The following FYB1 variants were observed in gnomAD, a reference collection of about 807,000 sequenced individuals.
FYB1 encodes FYN-binding protein 1.
FYB1 carries 41 observed loss-of-function variants against 94.1 expected under a neutral mutation model. That is an observed-to-expected ratio of 0.44 (90% CI 0.34 to 0.57). The LOEUF (loss-of-function observed/expected upper bound fraction) is 0.57. Among genes scored for constraint, FYB1 ranks in the 20% least tolerant of loss-of-function variants. FYB1 has a pLI of 0.02. For synonymous variants in FYB1, 367 were observed against 353.2 expected (o/e 1.04, Z -0.44); for missense variants, 1,050 against 976.8 (o/e 1.07, Z -1.00).
chr5:39,170,117 T>C (rs1688761434), intron 2 of FYB1: 2 of 815,028 alleles, frequency 2.5e-6, no homozygotes, highest in African/African-American at 3.4e-5. Flanking sequence ...TGATTTCAAA[T>C]GTTATCAGTT....
chr5:39,254,044 G>A (rs907242891), intron 1 of FYB1, among the ~76,000 whole-genome samples: 3 of 152,056 alleles, frequency 2.0e-5, no homozygotes, highest in East Asian at 1.9e-4. Flanking sequence ...TTATGGCTCC[G>A]TAGTAGTTCT....
At chr5:39,109,870 C>T (rs143399991) in intron 17 of FYB1, among the ~76,000 whole-genome samples, 22 of 152,086 alleles carry the variant, frequency 1.4e-4, no homozygotes, top group African/African-American at 4.8e-4. Context: ...GGCATGCTTC[C>T]ATAAAAGGCA....
intron 16 of FYB1, 33 bp downstream of exon 16, chr5:39,118,841 T>G: frequency 7.6e-7 from 1 of 1,321,472 alleles, no homozygotes; most frequent in South Asian, 2.0e-5. Flanking sequence ...GTGACATATA[T>G]ATGCACATAT....
chr5:39,218,545 A>G (rs2150547992), intron 1 of FYB1, among the ~76,000 whole-genome samples: 1 of 152,320 alleles, frequency 6.6e-6, no homozygotes. Flanking sequence ...AAAATGGTGA[A>G]TATTAATTAT....
chr5:39,206,708 A>G (rs1423478755), intron 1 of FYB1, among the ~76,000 whole-genome samples: 1 of 152,192 alleles, frequency 6.6e-6, no homozygotes, highest in African/African-American at 2.4e-5. Context: ...TTCCTCAAAT[A>G]ATAAACTACA....
At position 39,209,858 on chromosome 5, in the gene FYB1, G is replaced by A. The variant is rs146964086; in HGVS notation, c.-27-6871C>T. 1.6e-3 allele frequency among the ~76,000 whole-genome samples: 246 copies of A among 152,340 alleles called. 1 individual carries two copies. The highest frequency in any genetic ancestry group is 5.4e-3 in the African/African-American group (225 of 41,574). On this transcript the variant is annotated intron_variant, in intron 1 of 18. Coordinates refer to ENST00000512982, the MANE Select transcript of FYB1 (RefSeq NM_001465.6). ...TCACCTTGATTGGTCATACAGATGG[G>A]AGTGGAGGAGATGATTTTCTTAGCT... is the stretch of plus-strand genomic sequence containing the variant.
chr5:39,158,174 T>C (rs1743925191), intron 2 of FYB1, among the ~76,000 whole-genome samples: 1 of 152,218 alleles, frequency 6.6e-6, no homozygotes, highest in South Asian at 2.1e-4. Flanking sequence ...CTTAAAAATC[T>C]AGGAAGTTAA....
intron 2 of FYB1, among the ~76,000 whole-genome samples, chr5:39,165,611 A>G (rs1473115392): frequency 2.0e-5 from 3 of 152,226 alleles, no homozygotes. Flanking sequence ...TCAAAAGCAA[A>G]TACAACAAAA....
At chr5:39,226,243 T>G (rs1052035143) in intron 1 of FYB1, among the ~76,000 whole-genome samples, 1 of 152,192 alleles carries the variant, frequency 6.6e-6, no homozygotes, top group Non-Finnish European at 1.5e-5. Flanking sequence ...CCAGTCTCAG[T>G]GCACCAACTT....
At chr5:39,117,700 C>A (rs1160623110) in intron 16 of FYB1, among the ~76,000 whole-genome samples, 2 of 152,118 alleles carry the variant, frequency 1.3e-5, no homozygotes, top group East Asian at 3.9e-4. Context: ...TCACCTTCCT[C>A]CCATTAAAAT....
rs1032912715 is a variant in FYB1 at position 39,142,219 on chromosome 5, C to G, written c.1293-1078G>C. ...CATCACTCTTTTTTGTGTAGTCAGC[C>G]TTCTCTTGCGTTGTCCTTCTCCATA... On this transcript the variant is annotated intron_variant, in intron 3 of 18. Coordinates refer to ENST00000512982, the MANE Select transcript of FYB1 (RefSeq NM_001465.6). 2.9e-4 allele frequency among the ~76,000 whole-genome samples: 44 copies of G among 152,152 alleles called. 1 individual carries two copies. Among genetic ancestry groups the G allele is most frequent in the Non-Finnish European group, 4.4e-5 (3 of 68,028 alleles).
At chr5:39,262,522 A>G (rs1752266907) in intron 1 of FYB1, among the ~76,000 whole-genome samples, 1 of 152,236 alleles carries the variant, frequency 6.6e-6, no homozygotes, top group South Asian at 2.1e-4. Flanking sequence ...ATGTAGAGAA[A>G]TGGCAACTTT....
At chr5:39,224,570 A>T (rs1542798), upstream of FYB1, among the ~76,000 whole-genome samples, 99,683 of 152,116 alleles carry the variant, frequency 0.66, 36,888 homozygotes, top group Non-Finnish European at 0.83. Context: ...ATTCCTCTAG[A>T]GAGCTCATTG....
intron 9 of FYB1, among the ~76,000 whole-genome samples, chr5:39,131,913 T>G (rs902340134): frequency 3.3e-5 from 5 of 152,158 alleles, no homozygotes; most frequent in African/African-American, 1.2e-4. Context: ...TTAGAACATT[T>G]GATGAAAACA....
chr5:39,118,022 C>G (rs1459975273), intron 16 of FYB1, among the ~76,000 whole-genome samples: 1 of 152,056 alleles, frequency 6.6e-6, no homozygotes, highest in Non-Finnish European at 1.5e-5. Context: ...GCCTTAGCCT[C>G]CCAAGTAGCT....
At chr5:39,205,868 C>T (rs145640595) in intron 1 of FYB1, among the ~76,000 whole-genome samples, 2,913 of 152,168 alleles carry the variant, frequency 0.019, 46 homozygotes, top group Non-Finnish European at 0.029. Flanking sequence ...AATAACAGTA[C>T]CTATAGCTCA....
At chr5:39,185,004 A>G (rs868606498) in intron 2 of FYB1, among the ~76,000 whole-genome samples, 2 of 152,314 alleles carry the variant, frequency 1.3e-5, no homozygotes, top group East Asian at 1.9e-4. Flanking sequence ...AGTGAAAACA[A>G]TTTTGACCCA....
Position 39,110,507 on chromosome 5 carries a change from A to G in FYB1, c.2402-118T>C, listed in dbSNP as rs1376357526. ...CATAGTATATTGAATAATTGTATCT[A>G]TCTCTGGAAATGACCCATTTTTCTT... is the stretch of plus-strand genomic sequence containing the variant. On this transcript the variant is annotated intron_variant, in intron 16 of 18. Transcript: ENST00000512982. 9.1e-6 allele frequency: 5 copies of G among 551,732 alleles called. No individual in the cohort carries two copies. In the South Asian group the frequency reaches 1.6e-4, roughly 18 times the overall value. 34.2% of individuals were successfully genotyped at this position (551,732 alleles called of 1,614,324 possible).
chr5:39,268,387 C>G (rs1351562098), intron 1 of FYB1, among the ~76,000 whole-genome samples: 1 of 151,978 alleles, frequency 6.6e-6, no homozygotes, highest in Non-Finnish European at 1.5e-5. Context: ...ACCACTAGGC[C>G]TGGCTGATTT....
Sources: gnomAD v4.1 joint callset for allele counts (sites outside exome capture counted in the v4.1 genomes callset) on GRCh38, gnomAD v4.1.1 for gene constraint, MANE v1.5 for transcripts, NCBI Gene and HGNC (gene_info 2026-07-23, HGNC 2026-07-21) for gene names.